NUMBL: variants seen among roughly 807,000 people sequenced by gnomAD.
NUMBL encodes NUMB like endocytic adaptor protein.
NUMBL carries 20 observed loss-of-function variants against 48.9 expected under a neutral mutation model. The ratio of observed to expected loss-of-function variants is 0.41; its 90% confidence interval spans 0.29 to 0.59. The LOEUF (loss-of-function observed/expected upper bound fraction) is 0.59, where lower values mean the gene tolerates loss of function less well. Among genes scored for constraint, NUMBL ranks in the 20% least tolerant of loss-of-function variants. NUMBL has a pLI of 0.31. For missense variants in NUMBL, 660 were observed against 846.2 expected, an observed-to-expected ratio of 0.78 and a Z score of 2.73; for synonymous variants, 340 against 348.7, an observed-to-expected ratio of 0.98 and a Z score of 0.28.
At chr19:40,680,430 G>A (rs571672617) in intron 6 of NUMBL, among the ~76,000 whole-genome samples, 135 of 147,778 alleles carry the variant, frequency 9.1e-4, no homozygotes, top group South Asian at 4.5e-3. Context: ...GATTACAGGC[G>A]TGAGCCACCA....
rs2081814807 is a variant in NUMBL at position 40,667,321 on chromosome 19, T to C, written c.*147A>G. 1 of 1,136,492 alleles carries C rather than the reference T, an allele frequency of 8.8e-7. No homozygotes were observed. The highest frequency in any genetic ancestry group is 1.2e-6 in the Non-Finnish European group (1 of 820,602). 70.4% of individuals were successfully genotyped at this position (1,136,492 alleles called of 1,614,324 possible). On this transcript the variant is annotated 3_prime_UTR_variant, in exon 10 of 10. Transcript: ENST00000252891. This position sits in a 1 kb window ranked among gnomAD's most constrained non-coding sequence, Gnocchi z 6.1. The stretch of plus-strand genomic sequence containing the variant: ...CCTGGGCGTCACAATGTTGGTTCTG[T>C]AGTGGTTGTCGGGGTGGTTGAGGGA...
At chr19:40,675,917 G>A (rs967725230) in intron 7 of NUMBL, among the ~76,000 whole-genome samples, 2 of 151,138 alleles carry the variant, frequency 1.3e-5, no homozygotes, top group African/African-American at 2.4e-5. Context: ...CCAGGTTGGA[G>A]TGTGGTGGTG....
At chr19:40,686,508 C>T (rs564886011) in intron 2 of NUMBL, among the ~76,000 whole-genome samples, 4 of 152,120 alleles carry the variant, frequency 2.6e-5, no homozygotes, top group Admixed American at 1.3e-4. Context: ...CTGTATCCAG[C>T]GAGCGTCTGT....
chr19:40,684,969 C>T (rs929718232), intron 2 of NUMBL: 3 of 193,884 alleles, frequency 1.5e-5, no homozygotes, highest in Non-Finnish European at 1.1e-5. Context: ...AGTCAGGGGC[C>T]GCACGGTCAG....
rs2081939180 is a variant in NUMBL at position 40,687,090 on chromosome 19, C to T, written c.25-95G>A. ...ACTTTGGACTTCGGCCAGCCCCCTCCATCTTGGGCTCCCTGATGAGAGTCC... is the reference window on the plus strand; with the variant it reads ...ACTTTGGACTTCGGCCAGCCCCCTCTATCTTGGGCTCCCTGATGAGAGTCC... On this transcript the variant is annotated intron_variant, in intron 1 of 9. Coordinates refer to ENST00000252891, the MANE Select transcript of NUMBL (RefSeq NM_004756.5). This position sits in a 1 kb window ranked among gnomAD's most constrained non-coding sequence, Gnocchi z 4.6. 1.4e-6 allele frequency: 1 copy of T among 701,720 alleles called. No homozygotes were observed. The highest frequency in any genetic ancestry group is 2.3e-6 in the Non-Finnish European group (1 of 434,556). The allele number at this position is 701,720 out of a possible 1,614,324, so 43.5% of individuals were successfully genotyped here.
At chr19:40,684,590 T>C (rs750871961) in intron 2 of NUMBL, 34 bp from the exon 3 acceptor site, 13 of 1,575,156 alleles carry the variant, frequency 8.3e-6, no homozygotes, top group Non-Finnish European at 2.6e-6. Context: ...GGGTCAAGGG[T>C]GGGGGTCAGA....
intron 6 of NUMBL, 21 bp from the exon 7 acceptor site, chr19:40,677,442 G>T: frequency 6.2e-7 from 1 of 1,600,380 alleles, no homozygotes; most frequent in Non-Finnish European, 8.5e-7. Flanking sequence ...AGGATGGGCG[G>T]GGGGGTTAGA....
chr19:40,683,734 C>T (rs374219014), intron 3 of NUMBL, among the ~76,000 whole-genome samples: 14 of 151,898 alleles, frequency 9.2e-5, no homozygotes, highest in Admixed American at 2.0e-4. Flanking sequence ...CACCACATGA[C>T]GGCTTCCAGG....
Position 40,667,231 on chromosome 19 carries a change from A to G in NUMBL, c.*237T>C. 1 of 563,804 alleles carries G rather than the reference A, an allele frequency of 1.8e-6. No homozygotes were observed. The highest frequency in any genetic ancestry group is 2.1e-5 in the South Asian group (1 of 47,806). 34.9% of individuals were successfully genotyped at this position (563,804 alleles called of 1,614,324 possible). A position where few individuals can be genotyped will look rare whatever the true frequency, so the allele number is the denominator to read the frequency against. On this transcript the variant is annotated 3_prime_UTR_variant, in exon 10 of 10. Transcript: ENST00000252891. The surrounding 1 kb of genome is among the most constrained non-coding windows in gnomAD (Gnocchi z 6.1). The stretch of plus-strand genomic sequence containing the variant: ...TGGGGAAGGGGGCATTGCCAGCCTA[A>G]GTCCGGCAGTGAAATGGTTCCCTTA...
intron 8 of NUMBL, 40 bp from the exon 9 acceptor site, chr19:40,670,060 A>G: frequency 6.2e-7 from 1 of 1,601,364 alleles, no homozygotes; most frequent in Non-Finnish European, 8.5e-7. Flanking sequence ...AAACAGGCCC[A>G]GACCCTGCCG....
intron 8 of NUMBL, among the ~76,000 whole-genome samples, chr19:40,671,841 C>T (rs1032806776): frequency 1.2e-4 from 19 of 152,102 alleles, no homozygotes; most frequent in Non-Finnish European, 2.2e-4. Flanking sequence ...AACTCAGTAG[C>T]GTGCCACCTC....
At chr19:40,686,062 C>T (rs991506209) in intron 2 of NUMBL, 3 of 152,796 alleles carry the variant, frequency 2.0e-5, no homozygotes, top group African/African-American at 7.3e-5. Context: ...CTGTGAGAGC[C>T]TGGGCCCGCG....
chr19:40,669,991 C>G lies in NUMBL; in HGVS notation c.1066G>C (p.Asp356His), dbSNP rs368676373. The G allele has an allele frequency of 3.7e-6, 6 of 1,613,720 alleles. No individual in the cohort carries two copies. Among genetic ancestry groups the G allele is most frequent in the Non-Finnish European group, 4.2e-6 (5 of 1,179,908 alleles). The stretch of plus-strand genomic sequence containing the variant: ...CACAGAGCGTTGATGCTGTCACTGT[C>G]GCCGGCACCAGGAGGCTCCATCTCA... ...VPEMEPPGAGDSDSINALCTQ... is the reference protein window; with the variant it reads ...VPEMEPPGAGHSDSINALCTQ... The change falls in exon 9 of 10, where the codon GAC becomes CAC. Residue 356 changes from aspartate to histidine, a missense_variant. By Grantham distance (81) the Asp-to-His change is moderately conservative. Around this residue, in one of 3 missense-constraint regions of NUMBL, gnomAD observed 296 missense variants for 339.7 expected, o/e 0.87. Coordinates refer to ENST00000252891, the MANE Select transcript of NUMBL (RefSeq NM_004756.5).
At chr19:40,668,946 G>T (rs538193506) in intron 9 of NUMBL, among the ~76,000 whole-genome samples, 1 of 152,194 alleles carries the variant, frequency 6.6e-6, no homozygotes, top group South Asian at 2.1e-4. Flanking sequence ...CAGTGTTTGA[G>T]ATTCTAAGGT....
At chr19:40,677,446 G>C in intron 6 of NUMBL, 25 bp from the exon 7 acceptor site, 1 of 1,596,954 alleles carries the variant, frequency 6.3e-7, no homozygotes, top group Non-Finnish European at 8.5e-7. Flanking sequence ...TGGGCGGGGG[G>C]GTTAGAGGCG....
chr19:40,675,576 AACACACAC>A (rs3071383), intron 7 of NUMBL, among the ~76,000 whole-genome samples: 1,569 of 142,386 alleles, frequency 0.011, 23 homozygotes, highest in African/African-American at 0.034. Context: ...TTATATTTTA[AACACACAC>A]ACACACACAC....
chr19:40,668,491 G>C (rs2081828841), intron 9 of NUMBL, among the ~76,000 whole-genome samples: 1 of 152,104 alleles, frequency 6.6e-6, no homozygotes. Flanking sequence ...TGTTCGTTTT[G>C]AGAGTCTCAC....
At chr19:40,685,448 G>A (rs913842693) in intron 2 of NUMBL, 2 of 153,974 alleles carry the variant, frequency 1.3e-5, no homozygotes, top group Non-Finnish European at 2.9e-5. Context: ...TGAGAATGGT[G>A]TAGGATAGTG....
At chr19:40,676,739 G>A (rs1210593566) in intron 7 of NUMBL, among the ~76,000 whole-genome samples, 2 of 151,346 alleles carry the variant, frequency 1.3e-5, no homozygotes, top group Non-Finnish European at 2.9e-5. Flanking sequence ...GAAAAGCCCC[G>A]AATTGGTGGA....
Sources: gnomAD v4.1 joint callset for allele counts (sites outside exome capture counted in the v4.1 genomes callset) on GRCh38, gnomAD v4.1.1 for gene constraint, gnomAD v4.1.1 regional missense constraint, Gnocchi (gnomAD v3.1) non-coding constraint, MANE v1.5 for transcripts, NCBI Gene and HGNC (gene_info 2026-07-23, HGNC 2026-07-21) for gene names.